Variants in PCDH15 observed in about 807,000 individuals in gnomAD.
PCDH15 encodes protocadherin related 15.
PCDH15 carries 129 observed loss-of-function variants against 178.5 expected under a neutral mutation model. That is an observed-to-expected ratio of 0.72 (90% confidence interval 0.63 to 0.84). The LOEUF is 0.84. Among genes scored for constraint, PCDH15 ranks in the 40% least tolerant of loss-of-function variants. The pLI is 0.00. For synonymous variants in PCDH15, 800 were observed against 732.0 expected (o/e 1.09, Z -1.50); for missense variants, 2,230 against 2,099.9 (o/e 1.06, Z -1.21).
chr10:54,488,593 A>G (rs534125347), intron 3 of PCDH15, among the ~76,000 whole-genome samples: 2 of 152,100 alleles, frequency 1.3e-5, no homozygotes, highest in African/African-American at 2.4e-5. Flanking sequence ...TGGGTAATTT[A>G]AAATATACTA....
chr10:54,963,289 A>G (rs1420960679), intron 2 of PCDH15, among the ~76,000 whole-genome samples: 1 of 151,876 alleles, frequency 6.6e-6, no homozygotes, highest in East Asian at 1.9e-4. Flanking sequence ...GGAAGGTGTC[A>G]GTGGCAAAAG....
At chr10:55,477,468 G>A (rs1589063563) in intron 2 of PCDH15, among the ~76,000 whole-genome samples, 3 of 151,866 alleles carry the variant, frequency 2.0e-5, no homozygotes, top group African/African-American at 7.2e-5. Flanking sequence ...TCATAAGCAG[G>A]ACCGCTTCAG....
chr10:54,594,483 C>T (rs1034858557), intron 2 of PCDH15, among the ~76,000 whole-genome samples: 2 of 152,130 alleles, frequency 1.3e-5, no homozygotes, highest in Admixed American at 1.3e-4. Context: ...CCCCAGGCAC[C>T]TCAAGGGGGC....
chr10:55,234,782 T>C (rs1157811366), intron 1 of PCDH15, among the ~76,000 whole-genome samples: 1 of 152,078 alleles, frequency 6.6e-6, no homozygotes, highest in Non-Finnish European at 1.5e-5. Context: ...TTATTACTCA[T>C]GAAGTCCACA....
intron 2 of PCDH15, among the ~76,000 whole-genome samples, chr10:54,960,833 T>C (rs1394571077): frequency 2.6e-5 from 4 of 152,188 alleles, no homozygotes. Context: ...TACAGAAAGA[T>C]AGTAATATAT....
intron 24 of PCDH15, among the ~76,000 whole-genome samples, chr10:53,940,360 C>G (rs1256060357): frequency 1.3e-5 from 2 of 152,074 alleles, no homozygotes; most frequent in African/African-American, 4.8e-5. Context: ...TCTAATTTGA[C>G]TATTTTGGGA....
At chr10:54,891,293 C>T (rs1413644232) in intron 3 of PCDH15, among the ~76,000 whole-genome samples, 3 of 152,112 alleles carry the variant, frequency 2.0e-5, no homozygotes, top group Admixed American at 6.6e-5. Context: ...TTCTAACATA[C>T]ATTATCCTAA....
intron 1 of PCDH15, among the ~76,000 whole-genome samples, chr10:54,770,533 C>A (rs1186392523): frequency 6.6e-6 from 1 of 152,036 alleles, no homozygotes; most frequent in South Asian, 2.1e-4. Flanking sequence ...TTCAACGATA[C>A]CTGAAATGCA....
chr10:55,463,949 GAA>G lies in PCDH15; in HGVS notation c.-156+163674_-156+163675del, dbSNP rs1364580555. On this transcript the variant is annotated intron_variant, in intron 2 of 5. Transcript: ENST00000613346. ...AGAAAGAAAGAAAGAAAGAAAGAAA[GAA>G]AGAAAGAAAGAAAGAAAGAAAGAGA... Among the ~76,000 whole-genome samples the G allele has an allele frequency of 6.1e-3, 134 of 21,794 alleles. 16 individuals carry two copies. The highest frequency in any genetic ancestry group is 0.05 in the African/African-American group (122 of 2,452). 14.3% of individuals were successfully genotyped at this position (21,794 alleles called of 152,430 possible).
At chr10:54,489,610 T>C (rs939892611) in intron 3 of PCDH15, among the ~76,000 whole-genome samples, 9 of 152,220 alleles carry the variant, frequency 5.9e-5, no homozygotes, top group South Asian at 4.1e-4. Flanking sequence ...CATACACACA[T>C]ACAGGCATAC....
At chr10:54,905,071 T>C (rs1954697174) in intron 2 of PCDH15, among the ~76,000 whole-genome samples, 1 of 151,860 alleles carries the variant, frequency 6.6e-6, no homozygotes, top group Non-Finnish European at 1.5e-5. Context: ...AGAAAACCAA[T>C]GTTCAGAGAA....
At chr10:54,145,572 C>G (rs1346615160) in intron 14 of PCDH15, among the ~76,000 whole-genome samples, 1 of 151,966 alleles carries the variant, frequency 6.6e-6, no homozygotes, top group Non-Finnish European at 1.5e-5. Flanking sequence ...ACAGAGAAAA[C>G]TTTTCTGGAG....
intron 2 of PCDH15, among the ~76,000 whole-genome samples, chr10:55,545,307 GCT>G (rs1841855953): frequency 6.8e-6 from 1 of 148,022 alleles, no homozygotes; most frequent in Admixed American, 6.8e-5. Flanking sequence ...TCACTCTGTC[GCT>G]CTGTTTCTGA....
chr10:53,993,751 A>G (rs2091673950), intron 21 of PCDH15, among the ~76,000 whole-genome samples: 1 of 152,146 alleles, frequency 6.6e-6, no homozygotes, highest in Non-Finnish European at 1.5e-5. Flanking sequence ...AATTGCAACT[A>G]TGCTCACTTA....
chr10:54,988,682 A>C (rs1012540654), intron 2 of PCDH15, among the ~76,000 whole-genome samples: 1 of 152,168 alleles, frequency 6.6e-6, no homozygotes, highest in Admixed American at 6.5e-5. Context: ...TAAGCAGCAA[A>C]GCATTCAAGA....
intron 2 of PCDH15, among the ~76,000 whole-genome samples, chr10:54,629,982 C>T (rs1314164079): frequency 6.6e-6 from 1 of 151,984 alleles, no homozygotes; most frequent in Non-Finnish European, 1.5e-5. Context: ...GATCAAAAAC[C>T]CATTTACAAT....
chr10:54,644,784 A>C (rs143630187), intron 2 of PCDH15, among the ~76,000 whole-genome samples: 25 of 152,280 alleles, frequency 1.6e-4, no homozygotes, highest in Admixed American at 1.3e-3. Context: ...ATGCAACAAC[A>C]TTAAGAGGTT....
intron 2 of PCDH15, among the ~76,000 whole-genome samples, chr10:54,642,157 A>T (rs1187473185): frequency 6.6e-6 from 1 of 152,130 alleles, no homozygotes; most frequent in South Asian, 2.1e-4. Context: ...GCCTTATAAG[A>T]GGCCCCGAGA....
chr10:55,369,596 A>T (rs2131987932), intron 2 of PCDH15, among the ~76,000 whole-genome samples: 1 of 152,232 alleles, frequency 6.6e-6, no homozygotes, highest in South Asian at 2.1e-4. Flanking sequence ...TCTAAAATGC[A>T]ACAGAATATC....
Sources: gnomAD v4.1 joint callset for allele counts (sites outside exome capture counted in the v4.1 genomes callset) on GRCh38, gnomAD v4.1.1 for gene constraint, MANE v1.5 for transcripts, NCBI Gene and HGNC (gene_info 2026-07-23, HGNC 2026-07-21) for gene names.